IP6K3: variants seen among roughly 807,000 people sequenced by gnomAD.
IP6K3 encodes the protein inositol hexakisphosphate kinase 3.
Under a neutral mutation model 28.8 loss-of-function variants are expected in IP6K3, and 20 were observed. The observed-to-expected ratio is 0.70, with a 90% CI of 0.49 to 1.01. The LOEUF (loss-of-function observed/expected upper bound fraction) is 1.01, where lower values mean the gene tolerates loss of function less well. Ranked by LOEUF, IP6K3 falls within the 50% of genes least tolerant of loss-of-function variation. IP6K3 has a pLI of 0.00. For synonymous variants in IP6K3, 213 were observed against 221.3 expected, an observed-to-expected ratio of 0.96 and a Z score of 0.33; for missense variants, 480 against 537.1, an observed-to-expected ratio of 0.89 and a Z score of 1.05.
At chr6:33,751,985 C>A in the IP6K3 span, among the ~76,000 whole-genome samples, 1 of 152,184 alleles carries the variant, frequency 6.6e-6, no homozygotes, top group African/African-American at 2.4e-5. This position sits in a 1 kb window ranked among gnomAD's most constrained non-coding sequence, Gnocchi z 4.3. Context: ...CATCCACATC[C>A]CCCCAGACCA....
rs535565310 is a variant in IP6K3, at chr6:33,729,704, TTTTC to T, written c.200-1408_200-1405del. ...CATATATTTCTGCAAACAGTTCCTT[TTTTC>T]TTTCTTTCTTTCTTTTTTTTTTTGA... On this transcript the variant is annotated intron_variant, in intron 2 of 5. Transcript: ENST00000293756. 8.0e-4 allele frequency among the ~76,000 whole-genome samples: 122 copies of T among 152,188 alleles called. 1 individual carries two copies. The highest frequency in any genetic ancestry group is 6.5e-3 in the Admixed American group (100 of 15,292).
the IP6K3 span, among the ~76,000 whole-genome samples, chr6:33,754,537 C>G: frequency 2.0e-5 from 3 of 152,188 alleles, no homozygotes; most frequent in Non-Finnish European, 4.4e-5. Flanking sequence ...CCATTACTGT[C>G]GGCCCTGGTT....
upstream of IP6K3, among the ~76,000 whole-genome samples, chr6:33,749,652 G>A (rs563198098): frequency 0.014 from 2,188 of 151,602 alleles, 24 homozygotes; most frequent in Non-Finnish European, 0.018. Flanking sequence ...GTGTGTGCGC[G>A]CGGCCCCGGG....
chr6:33,744,891 TG>T lies in IP6K3; in HGVS notation c.-180+1866del, dbSNP rs143985041. 0.045 allele frequency among the ~76,000 whole-genome samples: 6,874 copies of T among 151,468 alleles called. 239 individuals are homozygous for T. Among genetic ancestry groups the T allele is most frequent in the Non-Finnish European group, 0.075 (5,060 of 67,716 alleles). On this transcript the variant is annotated intron_variant, in intron 1 of 5. Transcript: ENST00000293756. The surrounding 1 kb of genome is among the most constrained non-coding windows in gnomAD (Gnocchi z 4.4). Reference sequence around the variant, plus strand: ...TGAAGGGGAGGGGGTGGGAATGGGCTGGGGGTGGTGGGGCACTTGAGAGCCC... The same window carrying T: ...TGAAGGGGAGGGGGTGGGAATGGGCTGGGGTGGTGGGGCACTTGAGAGCCC...
At chr6:33,743,751 A>G (rs1766810845) in intron 1 of IP6K3, among the ~76,000 whole-genome samples, 1 of 152,154 alleles carries the variant, frequency 6.6e-6, no homozygotes, top group Non-Finnish European at 1.5e-5. Context: ...TTAGGAGAGC[A>G]TCTCTTCCCT....
In IP6K3 at chr6:33,744,614, G is replaced by T. The variant is rs1766841097; in HGVS notation, c.-180+2144C>A. On this transcript the variant is annotated intron_variant, in intron 1 of 5. Transcript: ENST00000293756. This position sits in a 1 kb window ranked among gnomAD's most constrained non-coding sequence, Gnocchi z 4.4. ...GTTGAGGCCCCAAATGCCTGAGAGG[G>T]ATTAACTGGAAACTAAAGCCAGCAC... 6.6e-6 allele frequency among the ~76,000 whole-genome samples: 1 copy of T among 152,112 alleles called. No homozygotes were observed. Among genetic ancestry groups the T allele is most frequent in the Non-Finnish European group, 1.5e-5 (1 of 68,026 alleles).
intron 1 of IP6K3, among the ~76,000 whole-genome samples, chr6:33,738,496 G>T (rs1766607669): frequency 6.6e-6 from 1 of 152,016 alleles, no homozygotes; most frequent in African/African-American, 2.4e-5. Context: ...GCTTGCTGTA[G>T]CCATGTTCTA....
chr6:33,724,138 A>G (rs1766013660), intron 5 of IP6K3, among the ~76,000 whole-genome samples: 1 of 152,250 alleles, frequency 6.6e-6, no homozygotes, highest in African/African-American at 2.4e-5. Flanking sequence ...GAAAGATATG[A>G]TAGCCTTAGT....
chr6:33,738,521 G>A (rs992701901), intron 1 of IP6K3, among the ~76,000 whole-genome samples: 2 of 146,998 alleles, frequency 1.4e-5, no homozygotes, highest in African/African-American at 4.9e-5. Flanking sequence ...TTTGTATAGA[G>A]TAACCTATTT....
rs1209569109 is a variant in IP6K3 at position 33,746,296 on chromosome 6, G to A, written c.-180+462C>T. ...CTGCCCCCTCCCGTGGAAAGCTGGGGCTGCTGGGCTAGGACATGCTGTTCC... is the reference window on the plus strand; with the variant it reads ...CTGCCCCCTCCCGTGGAAAGCTGGGACTGCTGGGCTAGGACATGCTGTTCC... On this transcript the variant is annotated intron_variant, in intron 1 of 5. Coordinates refer to ENST00000293756, the MANE Select transcript of IP6K3 (RefSeq NM_054111.5). The surrounding 1 kb of genome is among the most constrained non-coding windows in gnomAD (Gnocchi z 6.5). Among the ~76,000 whole-genome samples the A allele has an allele frequency of 2.6e-5, 4 of 152,164 alleles. No homozygotes were observed. The highest frequency in any genetic ancestry group is 4.8e-5 in the African/African-American group (2 of 41,438).
intron 1 of IP6K3, among the ~76,000 whole-genome samples, chr6:33,745,570 G>A (rs1173071903): frequency 6.6e-6 from 1 of 152,144 alleles, no homozygotes; most frequent in African/African-American, 2.4e-5. Flanking sequence ...ACCATGGTGG[G>A]GGGTCGGGGG....
Position 33,722,343 on chromosome 6 carries a change from T to G in IP6K3, c.*377A>C. 5.7e-6 allele frequency: 1 copy of G among 175,574 alleles called. No individual in the cohort carries two copies. Among genetic ancestry groups the G allele is most frequent in the Non-Finnish European group, 1.2e-5 (1 of 80,984 alleles). 10.9% of individuals were successfully genotyped at this position (175,574 alleles called of 1,614,324 possible). A position where few individuals can be genotyped will look rare whatever the true frequency, so the allele number is the denominator to read the frequency against. The stretch of plus-strand genomic sequence containing the variant: ...CTCTTCAAGGCTGCTTCAAGTCAAG[T>G]TTTCTGCCTCACAGCTTGTGCGGAC... On this transcript the variant is annotated 3_prime_UTR_variant, in exon 6 of 6. Coordinates refer to ENST00000293756, the MANE Select transcript of IP6K3 (RefSeq NM_054111.5).
In IP6K3 at chr6:33,730,973, G is replaced by C. The variant is rs770630142; in HGVS notation, c.200-2673C>G. ...CCCCTCAGGGAGGGTCGTCAGCGCT[G>C]AGGGCTGGGAGCCCAGGCTGCAAGG... On this transcript the variant is annotated intron_variant, in intron 2 of 5. Coordinates refer to ENST00000293756, the MANE Select transcript of IP6K3 (RefSeq NM_054111.5). Among the ~76,000 whole-genome samples, 63 of 152,226 alleles carry C rather than the reference G, an allele frequency of 4.1e-4. 1 individual carries two copies. Among genetic ancestry groups the C allele is most frequent in the Admixed American group, 7.2e-4 (11 of 15,288 alleles).
At chr6:33,745,038 C>G (rs1177387435) in intron 1 of IP6K3, among the ~76,000 whole-genome samples, 1 of 152,228 alleles carries the variant, frequency 6.6e-6, no homozygotes, top group Non-Finnish European at 1.5e-5. Flanking sequence ...CTCCCAGCCC[C>G]GGATGAGTTG....
intron 2 of IP6K3, among the ~76,000 whole-genome samples, chr6:33,728,993 G>A (rs373410812): frequency 6.6e-6 from 1 of 152,206 alleles, no homozygotes; most frequent in East Asian, 1.9e-4. Flanking sequence ...GATGAAACAA[G>A]CCTTGTGAGA....
rs1766896639 is a variant in IP6K3, at chr6:33,746,045, G to T, written c.-180+713C>A. Among the ~76,000 whole-genome samples the T allele has an allele frequency of 6.6e-6, 1 of 152,136 alleles. No individual in the cohort carries two copies. Among genetic ancestry groups the T allele is most frequent in the Admixed American group, 6.5e-5 (1 of 15,278 alleles). ...CAGGGGAAGGGGCCTGGCATGGGGGGTTTAAGGCCCCCAAGGCAAGCTCAG... is the reference window on the plus strand; with the variant it reads ...CAGGGGAAGGGGCCTGGCATGGGGGTTTTAAGGCCCCCAAGGCAAGCTCAG... On this transcript the variant is annotated intron_variant, in intron 1 of 5. Transcript: ENST00000293756. This position sits in a 1 kb window ranked among gnomAD's most constrained non-coding sequence, Gnocchi z 6.5.
chr6:33,741,995 C>T (rs141002613), intron 1 of IP6K3, among the ~76,000 whole-genome samples: 52 of 150,702 alleles, frequency 3.5e-4, no homozygotes, highest in African/African-American at 1.2e-3. Context: ...AAAAACAAAG[C>T]AACTTCACTT....
intron 3 of IP6K3, chr6:33,727,735 C>T: frequency 1.4e-6 from 1 of 729,230 alleles, no homozygotes. Context: ...CCTCTACATA[C>T]ACTATTCTAG....
rs149923951 is a variant in IP6K3 at position 33,744,526 on chromosome 6, G to A, written c.-180+2232C>T. Reference sequence around the variant, plus strand: ...TGTGTGAATGCTTGTGCGTGTGTGGGAGTGTGTGGCTGAGGGAGAATGCAG... The same window carrying A: ...TGTGTGAATGCTTGTGCGTGTGTGGAAGTGTGTGGCTGAGGGAGAATGCAG... On this transcript the variant is annotated intron_variant, in intron 1 of 5. Transcript: ENST00000293756. This position sits in a 1 kb window ranked among gnomAD's most constrained non-coding sequence, Gnocchi z 4.4. Among the ~76,000 whole-genome samples the A allele has an allele frequency of 2.6e-3, 391 of 152,302 alleles. 3 individuals carry two copies. The highest frequency in any genetic ancestry group is 6.0e-3 in the East Asian group (31 of 5,186).
Sources: allele counts gnomAD v4.1 joint callset (sites outside exome capture counted in the v4.1 genomes callset), GRCh38; gene constraint gnomAD v4.1.1; non-coding constraint Gnocchi (gnomAD v3.1); transcripts MANE v1.5; gene names NCBI Gene and HGNC (gene_info 2026-07-23, HGNC 2026-07-21).